ROBO2: variants seen among roughly 807,000 people sequenced by gnomAD.
ROBO2 encodes roundabout homolog 2.
Under a neutral mutation model 160.8 loss-of-function variants are expected in ROBO2, and 53 were observed. The ratio of observed to expected loss-of-function variants is 0.33; its 90% CI spans 0.26 to 0.41. The LOEUF (loss-of-function observed/expected upper bound fraction) is 0.41, where lower values mean the gene tolerates loss of function less well. Among genes scored for constraint, ROBO2 ranks in the 10% least tolerant of loss-of-function variants. The probability of loss-of-function intolerance (pLI) is 1.00; values close to 1 mark genes in which losing one functional copy is unlikely to be tolerated. For synonymous variants in ROBO2, 664 were observed against 611.7 expected (o/e 1.09, Z -1.26); for missense variants, 1,577 against 1,722.4 (o/e 0.92, Z 1.49).
intron 2 of ROBO2, among the ~76,000 whole-genome samples, chr3:76,485,719 T>C (rs1230464582): frequency 6.6e-6 from 1 of 152,160 alleles, no homozygotes; most frequent in Non-Finnish European, 1.5e-5. Context: ...AGTAAAACTG[T>C]CTAGAACCAG....
At chr3:77,380,750 G>A (rs1463645223) in intron 2 of ROBO2, among the ~76,000 whole-genome samples, 1 of 145,600 alleles carries the variant, frequency 6.9e-6, no homozygotes, top group Non-Finnish European at 1.5e-5. Flanking sequence ...ACAGGTGTGA[G>A]TGTTACAGAG....
chr3:76,325,154 CTT>C (rs1223720973), intron 2 of ROBO2, among the ~76,000 whole-genome samples: 1 of 152,202 alleles, frequency 6.6e-6, no homozygotes, highest in Non-Finnish European at 1.5e-5. Context: ...AAAAGCCTAA[CTT>C]AAAATATTTT....
chr3:76,501,657 G>C (rs899515985), intron 2 of ROBO2, among the ~76,000 whole-genome samples: 1 of 152,188 alleles, frequency 6.6e-6, no homozygotes, highest in African/African-American at 2.4e-5. Flanking sequence ...CCAGAATTCA[G>C]AGCCTGTATT....
intron 2 of ROBO2, among the ~76,000 whole-genome samples, chr3:75,957,054 ATTAAT>A (rs1316697555): frequency 4.6e-5 from 7 of 151,746 alleles, no homozygotes; most frequent in Non-Finnish European, 7.4e-5. Flanking sequence ...CTGTTTCATT[ATTAAT>A]TTATTTTATG....
intron 2 of ROBO2, among the ~76,000 whole-genome samples, chr3:76,250,601 A>G (rs1258296861): frequency 6.6e-6 from 1 of 152,084 alleles, no homozygotes; most frequent in Admixed American, 6.6e-5. Flanking sequence ...GGCCTTGAAC[A>G]GTTTCATATC....
At chr3:77,244,426 A>C (rs2089450350) in intron 2 of ROBO2, among the ~76,000 whole-genome samples, 1 of 152,220 alleles carries the variant, frequency 6.6e-6, no homozygotes, top group Non-Finnish European at 1.5e-5. Context: ...GAAAACGTTT[A>C]GCATGCGCAA....
intron 2 of ROBO2, among the ~76,000 whole-genome samples, chr3:76,938,840 G>A (rs2077937859): frequency 6.6e-6 from 1 of 151,872 alleles, no homozygotes; most frequent in Non-Finnish European, 1.5e-5. Flanking sequence ...GCGTGGTGGC[G>A]CATGCCTGTA....
intron 6 of ROBO2, 129 bp downstream of exon 7, chr3:77,527,543 C>T (rs2091282801): frequency 3.3e-6 from 2 of 611,446 alleles, no homozygotes; most frequent in Non-Finnish European, 4.4e-6. Flanking sequence ...AGACTGTATG[C>T]TGTAAAAGTT....
intron 2 of ROBO2, among the ~76,000 whole-genome samples, chr3:77,258,945 A>G (rs1387568853): frequency 6.6e-6 from 1 of 152,070 alleles, no homozygotes; most frequent in African/African-American, 2.4e-5. Context: ...GCTTCTTTCT[A>G]TATTCTCCCA....
At chr3:76,311,939 C>G (rs1471123161) in intron 2 of ROBO2, among the ~76,000 whole-genome samples, 1 of 152,094 alleles carries the variant, frequency 6.6e-6, no homozygotes, top group South Asian at 2.1e-4. Context: ...TGAGAAAAAG[C>G]CTTTCAGTAC....
chr3:76,488,062 G>A (rs910074807), intron 2 of ROBO2, among the ~76,000 whole-genome samples: 3 of 152,172 alleles, frequency 2.0e-5, no homozygotes, highest in African/African-American at 7.2e-5. Context: ...ATATAAACAC[G>A]GGGAGTCACG....
Position 76,718,764 on chromosome 3 carries a change from G to A in ROBO2, c.110-379250G>A, listed in dbSNP as rs2093421567. ...CCTTTACATTTACTGTTAGACAAAT[G>A]TAGGTTGAAATAATGTACCTGCAGT... is the stretch of plus-strand genomic sequence containing the variant. On this transcript the variant is annotated intron_variant, in intron 2 of 26. Transcript: ENST00000487694. Among the ~76,000 whole-genome samples the A allele has an allele frequency of 2.0e-5, 3 of 152,200 alleles. No homozygotes were observed. The South Asian group carries it at 6.2e-4, about 32-fold the overall frequency.
intron 2 of ROBO2, among the ~76,000 whole-genome samples, chr3:76,618,122 G>C (rs995015429): frequency 6.6e-6 from 1 of 151,706 alleles, no homozygotes; most frequent in East Asian, 1.9e-4. Context: ...TCACAAACCA[G>C]AGCCAGGGAG....
intron 2 of ROBO2, among the ~76,000 whole-genome samples, chr3:76,937,259 A>C (rs2077766902): frequency 6.6e-6 from 1 of 152,234 alleles, no homozygotes; most frequent in Non-Finnish European, 1.5e-5. Flanking sequence ...TGTCTACCTT[A>C]CATGTGCCAG....
At chr3:75,913,325 T>A (rs1311154121) in intron 1 of ROBO2, among the ~76,000 whole-genome samples, 3 of 152,152 alleles carry the variant, frequency 2.0e-5, no homozygotes, top group Non-Finnish European at 4.4e-5. Context: ...TATCTACAAG[T>A]CCCTTTGGCT....
At chr3:77,291,285 A>G (rs1358850901) in intron 2 of ROBO2, among the ~76,000 whole-genome samples, 2 of 152,056 alleles carry the variant, frequency 1.3e-5, no homozygotes, top group Non-Finnish European at 2.9e-5. Flanking sequence ...ATCACCCCAG[A>G]CATAAAGCAA....
chr3:76,804,403 G>A (rs1005764034), intron 2 of ROBO2, among the ~76,000 whole-genome samples: 2 of 152,182 alleles, frequency 1.3e-5, no homozygotes, highest in African/African-American at 4.8e-5. Context: ...GTGATTCGTA[G>A]CAGTCGGTTT....
At chr3:76,434,846 G>A in intron 2 of ROBO2, 1 of 1,571,484 alleles carries the variant, frequency 6.4e-7, no homozygotes, top group Non-Finnish European at 8.8e-7. Context: ...AGACTCACAA[G>A]AACCCTGCCC....
intron 2 of ROBO2, among the ~76,000 whole-genome samples, chr3:76,719,709 C>G (rs1329089062): frequency 6.6e-6 from 1 of 151,918 alleles, no homozygotes; most frequent in East Asian, 1.9e-4. Flanking sequence ...CATGGTGAAA[C>G]CCTGTCTCGA....
Sources: gnomAD v4.1 joint callset for allele counts (sites outside exome capture counted in the v4.1 genomes callset) on GRCh38, gnomAD v4.1.1 for gene constraint, MANE v1.5 for transcripts, NCBI Gene and HGNC (gene_info 2026-07-23, HGNC 2026-07-21) for gene names.